LRRC69: variants seen among roughly 807,000 people sequenced by gnomAD.
The protein encoded by LRRC69 is leucine-rich repeat-containing protein 69.
A neutral mutation model predicts 37.8 loss-of-function variants in LRRC69; 42 were observed. The observed-to-expected ratio is 1.11, with a 90% confidence interval of 0.87 to 1.44. The LOEUF (loss-of-function observed/expected upper bound fraction) is 1.44. LRRC69 is among the 40% of genes most tolerant of loss of function. The pLI, the probability that LRRC69 is intolerant of heterozygous loss-of-function variation, is 0.00. For missense variants in LRRC69, 357 were observed against 401.9 expected (o/e 0.89, Z 0.96); for synonymous variants, 141 against 143.1 (o/e 0.99, Z 0.11).
Position 91,206,176 on chromosome 8 carries a change from C to A in LRRC69, c.933+5384C>A, listed in dbSNP as rs370250047. Among the ~76,000 whole-genome samples the A allele has an allele frequency of 1.1e-4, 17 of 152,278 alleles. No homozygotes were observed. In the East Asian group the frequency reaches 2.9e-3, roughly 26 times the overall value. ...ATCTGGATTTGAATACCAGCTCCTC[C>A]TTTAATTAGTTTGTCAACATATTAC... On this transcript the variant is annotated intron_variant, in intron 7 of 7. Coordinates refer to ENST00000448384, the Ensembl canonical transcript of LRRC69.
rs568448499 is a variant in LRRC69 at position 91,200,487 on chromosome 8, G to T, written c.754-126G>T. On this transcript the variant is annotated intron_variant, in intron 6 of 7. Transcript: ENST00000448384. ...TACAACACAATTCATTAGATACACT[G>T]CAGAATCTTAATTTAACAGAATCTA... The T allele has an allele frequency of 3.2e-4, 200 of 615,594 alleles. No homozygotes were observed. In the African/African-American group the frequency reaches 3.4e-3, roughly 11 times the overall value. The allele number at this position is 615,594 out of a possible 1,614,324, so 38.1% of individuals were successfully genotyped here. A position where few individuals can be genotyped will look rare whatever the true frequency, so the allele number is the denominator to read the frequency against.
chr8:91,197,796 C>A (rs1376842492), intron 6 of LRRC69, among the ~76,000 whole-genome samples: 3 of 151,984 alleles, frequency 2.0e-5, no homozygotes, highest in Admixed American at 6.6e-5. Context: ...GCAGAAATCA[C>A]CCGTCTTCTG....
At chr8:91,104,386 A>G in intron 1 of LRRC69, among the ~76,000 whole-genome samples, 1 of 152,042 alleles carries the variant, frequency 6.6e-6, no homozygotes, top group East Asian at 1.9e-4. Context: ...TGTCTTGGGT[A>G]ACTCTAAACT....
At chr8:91,103,910 A>G (rs1326937353) in intron 1 of LRRC69, among the ~76,000 whole-genome samples, 3 of 151,938 alleles carry the variant, frequency 2.0e-5, no homozygotes, top group Non-Finnish European at 4.4e-5. Flanking sequence ...ATTTATTTCC[A>G]TTAAAGTAGT....
chr8:91,216,964 C>A (rs945537816), intron 7 of LRRC69, among the ~76,000 whole-genome samples: 1 of 152,116 alleles, frequency 6.6e-6, no homozygotes, highest in African/African-American at 2.4e-5. Context: ...TCTCCCCAGG[C>A]AGACACATTC....
intron 2 of LRRC69, 196 bp downstream of exon 2, chr8:91,124,815 C>T (rs555112544): frequency 2.2e-6 from 1 of 450,362 alleles, no homozygotes; most frequent in Non-Finnish European, 3.8e-6. Flanking sequence ...TACATGTAGA[C>T]CTAAGAAAAT....
At chr8:91,169,315 C>G (rs983783399) in intron 5 of LRRC69, among the ~76,000 whole-genome samples, 21 of 151,872 alleles carry the variant, frequency 1.4e-4, no homozygotes, top group African/African-American at 5.1e-4. Flanking sequence ...ATGATTATTA[C>G]CTGGGTGATG....
At chr8:91,195,821 A>G (rs1809587823) in intron 6 of LRRC69, among the ~76,000 whole-genome samples, 1 of 150,890 alleles carries the variant, frequency 6.6e-6, no homozygotes, top group Non-Finnish European at 1.5e-5. Context: ...GTGTCTTTTA[A>G]TTGGAGCATT....
intron 1 of LRRC69, among the ~76,000 whole-genome samples, chr8:91,117,286 G>A (rs1191823282): frequency 6.6e-6 from 1 of 151,952 alleles, no homozygotes; most frequent in South Asian, 2.1e-4. Context: ...TAATGCTACA[G>A]GCAGGCAGTA....
intron 7 of LRRC69, among the ~76,000 whole-genome samples, chr8:91,208,509 A>G (rs1809846524): frequency 1.3e-5 from 2 of 152,216 alleles, no homozygotes; most frequent in Non-Finnish European, 2.9e-5. Flanking sequence ...TTCTTCAGCT[A>G]TAAAACACAG....
downstream of LRRC69, chr8:91,219,029 A>G: frequency 1.5e-6 from 2 of 1,292,916 alleles, no homozygotes; most frequent in Non-Finnish European, 2.2e-6. Context: ...TCATAGCCTC[A>G]CTCCACTTGC....
At chr8:91,156,133 T>C (rs1392686750) in intron 5 of LRRC69, among the ~76,000 whole-genome samples, 1 of 150,920 alleles carries the variant, frequency 6.6e-6, no homozygotes, top group African/African-American at 2.4e-5. Context: ...ATACTGTTTT[T>C]CATAATGGAT....
chr8:91,197,798 C>T (rs534476174), intron 6 of LRRC69, among the ~76,000 whole-genome samples: 107 of 152,106 alleles, frequency 7.0e-4, no homozygotes, highest in Admixed American at 1.4e-3. Flanking sequence ...AGAAATCACC[C>T]GTCTTCTGTG....
chr8:91,136,087 A>G (rs1034577517), intron 5 of LRRC69, among the ~76,000 whole-genome samples: 7 of 151,998 alleles, frequency 4.6e-5, no homozygotes, highest in Non-Finnish European at 1.0e-4. Flanking sequence ...CTTGTAATTA[A>G]TCCAAAGGTG....
intron 7 of LRRC69, among the ~76,000 whole-genome samples, chr8:91,218,583 A>G (rs1323447875): frequency 6.6e-6 from 1 of 152,176 alleles, no homozygotes; most frequent in East Asian, 1.9e-4. Flanking sequence ...AGTCAGGTTC[A>G]TGTAGATTCT....
At chr8:91,208,811 C>T (rs1282239217) in intron 7 of LRRC69, among the ~76,000 whole-genome samples, 1 of 152,152 alleles carries the variant, frequency 6.6e-6, no homozygotes, top group Non-Finnish European at 1.5e-5. Flanking sequence ...TGTGATCTTC[C>T]TATCTAGATC....
intron 5 of LRRC69, among the ~76,000 whole-genome samples, chr8:91,187,562 T>C (rs1416517894): frequency 6.6e-6 from 1 of 152,230 alleles, no homozygotes; most frequent in African/African-American, 2.4e-5. Flanking sequence ...AATATGTAGA[T>C]TACAGTGGTT....
intron 7 of LRRC69, among the ~76,000 whole-genome samples, chr8:91,213,660 T>C (rs1809978618): frequency 6.6e-6 from 1 of 152,182 alleles, no homozygotes; most frequent in Non-Finnish European, 1.5e-5. Flanking sequence ...GACCAATTGC[T>C]TTAGGATTCA....
chr8:91,219,196 CT>C (rs969969559), downstream of LRRC69: 16 of 373,552 alleles, frequency 4.3e-5, no homozygotes, highest in East Asian at 7.7e-5. Flanking sequence ...TCTAGGTGTG[CT>C]TTTTTTGGCT....
Sources: allele counts gnomAD v4.1 joint callset (sites outside exome capture counted in the v4.1 genomes callset), GRCh38; gene constraint gnomAD v4.1.1; transcripts MANE v1.5; gene names NCBI Gene and HGNC (gene_info 2026-07-23, HGNC 2026-07-21).